The following MROH1 variants were observed in gnomAD, a reference collection of about 807,000 sequenced individuals.
MROH1 encodes maestro heat like repeat family member 1.
MROH1 carries 117 observed loss-of-function variants against 116.5 expected under a neutral mutation model. The observed-to-expected ratio is 1.00, with a 90% CI of 0.86 to 1.17. The LOEUF is 1.17. MROH1 is among the 50% of genes most tolerant of loss of function. MROH1 has a pLI of 0.00. For synonymous variants in MROH1, 921 were observed against 583.9 expected (o/e 1.58, Z -8.32); for missense variants, 1,873 against 1,338.5 (o/e 1.40, Z -6.23).
In MROH1 at chr8:144,247,594, T is replaced by C; in HGVS notation, c.3035T>C (p.Val1012Ala). ...TTCTCCCGGGACTACCGCGATGACG[T>C]GGCGGAGCGGCTCCTCAGCCTCAAG... The part of the protein sequence containing the change: ...EGFSRDYRDD[V>A]AERLLSLKDG... The change falls in exon 31 of 44, where the codon GTG becomes GCG. Residue 1012 changes from valine to alanine, a missense_variant. Coordinates refer to ENST00000326134, the MANE Select transcript of MROH1 (RefSeq NM_032450.3). The C allele has an allele frequency of 1.3e-6, 1 of 773,654 alleles. No individual in the cohort carries two copies. The allele number at this position is 773,654 out of a possible 1,614,324, so 47.9% of individuals were successfully genotyped here.
intron 1 of MROH1, among the ~76,000 whole-genome samples, chr8:144,153,400 T>G (rs991078045): frequency 6.6e-6 from 1 of 152,104 alleles, no homozygotes; most frequent in Non-Finnish European, 1.5e-5. Flanking sequence ...TTTCACCATG[T>G]TGGCCAGTCT....
chr8:144,255,560 G>A lies in MROH1; in HGVS notation c.3646G>A (p.Val1216Met), dbSNP rs893907284. 4.7e-5 allele frequency: 37 copies of A among 779,226 alleles called. No individual in the cohort carries two copies. The Middle Eastern group carries it at 1.3e-3, about 27-fold the overall frequency. 48.3% of individuals were successfully genotyped at this position (779,226 alleles called of 1,614,324 possible). A position where few individuals can be genotyped will look rare whatever the true frequency, so the allele number is the denominator to read the frequency against. ...VMSTPAAGPA[V>M]LELYPQLFVV... is the part of the protein sequence containing the mutation. ...GTCCACGCCTGCAGCGGGGCCCGCG[G>A]TGCTCGAGCTCTACCCCCAGCTGTT... The change falls in exon 35 of 44, where the codon GTG becomes ATG. Residue 1216 changes from valine to methionine, a missense_variant. Transcript: ENST00000326134.
chr8:144,189,919 A>T (rs1387999958), intron 7 of MROH1, among the ~76,000 whole-genome samples: 1 of 152,214 alleles, frequency 6.6e-6, no homozygotes, highest in Non-Finnish European at 1.5e-5. Context: ...TTCTTTGGTG[A>T]CAAGCACCAA....
chr8:144,244,165 G>T (rs1209318486), intron 26 of MROH1, 57 bp from the exon 27 acceptor site: 2 of 711,466 alleles, frequency 2.8e-6, no homozygotes, highest in Admixed American at 2.0e-5. Flanking sequence ...GGAGGTTACT[G>T]GGTGTCTGAG....
intron 26 of MROH1, 101 bp downstream of exon 26, chr8:144,244,043 T>C (rs1841460464): frequency 1.4e-6 from 1 of 721,448 alleles, no homozygotes; most frequent in Admixed American, 2.0e-5. Flanking sequence ...TGTGCGTGTG[T>C]GTGCCTGTGC....
At chr8:144,159,647 T>C (rs2130782227) in intron 1 of MROH1, among the ~76,000 whole-genome samples, 1 of 152,330 alleles carries the variant, frequency 6.6e-6, no homozygotes, top group East Asian at 1.9e-4. Context: ...GAAATAGTTT[T>C]AATAACTAAT....
intron 1 of MROH1, among the ~76,000 whole-genome samples, chr8:144,149,775 C>T (rs1816287740): frequency 6.6e-6 from 1 of 151,924 alleles, no homozygotes; most frequent in African/African-American, 2.4e-5. Context: ...GTGCTTTCTT[C>T]ACTGAGCTTG....
intron 1 of MROH1, 24 bp downstream of exon 1, chr8:144,148,100 C>G (rs1250668800): frequency 6.6e-6 from 1 of 152,302 alleles, no homozygotes; most frequent in Non-Finnish European, 1.5e-5. Context: ...GGGGATGAGC[C>G]TTCGGCGGCG....
intron 14 of MROH1, among the ~76,000 whole-genome samples, chr8:144,225,918 T>TTG (rs1303003135): frequency 1.5e-4 from 22 of 143,724 alleles, no homozygotes; most frequent in African/African-American, 5.7e-4. Context: ...TAGTTTTTTT[T>TTG]TTTTTTTTTT....
intron 14 of MROH1, among the ~76,000 whole-genome samples, chr8:144,225,886 A>G (rs894659089): frequency 1.4e-5 from 2 of 142,872 alleles, no homozygotes; most frequent in African/African-American, 2.6e-5. Context: ...TAGGATTCAC[A>G]TATAGGCCTA....
chr8:144,202,359 A>G (rs1490792885), intron 12 of MROH1, among the ~76,000 whole-genome samples: 223 of 85,772 alleles, frequency 2.6e-3, no homozygotes, highest in Middle Eastern at 7.8e-3. Flanking sequence ...CCCTCTGTGG[A>G]GGGGAAAGGA....
In MROH1 at chr8:144,180,467, T is replaced by C. The variant is rs1825313100; in HGVS notation, c.506T>C (p.Leu169Pro). The C allele has an allele frequency of 2.5e-6, 4 of 1,612,748 alleles. No individual in the cohort carries two copies. The highest frequency in any genetic ancestry group is 3.4e-6 in the Non-Finnish European group (4 of 1,179,814). The change falls in exon 7 of 44, where the codon CTG becomes CCG. Residue 169 changes from leucine to proline, a missense_variant. Coordinates refer to ENST00000326134, the MANE Select transcript of MROH1 (RefSeq NM_032450.3). This position sits in a 1 kb window ranked among gnomAD's most constrained non-coding sequence, Gnocchi z 7.4. ...VPFLPSVLSSLLPVLGVAKQD... is the reference protein window; with the variant it reads ...VPFLPSVLSSPLPVLGVAKQD... Reference sequence around the variant, plus strand: ...TTCCTGCCATCCGTCCTGAGCTCCCTGCTGCCCGTGCTGGGCGTGGCCAAG... The same window carrying C: ...TTCCTGCCATCCGTCCTGAGCTCCCCGCTGCCCGTGCTGGGCGTGGCCAAG...
chr8:144,174,794 T>C, intron 4 of MROH1: 1 of 982,162 alleles, frequency 1.0e-6, no homozygotes. Flanking sequence ...TATCCATTTT[T>C]TGTAAAATGT....
intron 32 of MROH1, among the ~76,000 whole-genome samples, chr8:144,249,304 G>A (rs1475129132): frequency 6.6e-6 from 1 of 151,626 alleles, no homozygotes; most frequent in Non-Finnish European, 1.5e-5. Context: ...CAAGTGCTGA[G>A]AGAATAAGGG....
intron 37 of MROH1, 116 bp downstream of exon 37, chr8:144,259,470 G>A (rs1844557282): frequency 2.9e-6 from 2 of 695,740 alleles, no homozygotes; most frequent in South Asian, 1.5e-5. Context: ...CTGTGAGGGA[G>A]GTTATGTGGA....
intron 12 of MROH1, among the ~76,000 whole-genome samples, chr8:144,218,371 A>C (rs1835739928): frequency 6.6e-6 from 1 of 151,810 alleles, no homozygotes; most frequent in East Asian, 1.9e-4. Flanking sequence ...TACTCCCATG[A>C]GGTTTTGCAC....
intron 5 of MROH1, 74 bp downstream of exon 5, chr8:144,179,660 C>G: frequency 6.5e-7 from 1 of 1,535,416 alleles, no homozygotes; most frequent in Non-Finnish European, 8.8e-7. Context: ...GGCCTTTCTA[C>G]CCAGCAGCCT....
chr8:144,199,512 T>C lies in MROH1; in HGVS notation c.1027+312T>C, dbSNP rs1418122940. On this transcript the variant is annotated intron_variant, in intron 11 of 43. Coordinates refer to ENST00000326134, the MANE Select transcript of MROH1 (RefSeq NM_032450.3). ...CGCCTACCTGTTTCTCCACACCCAA[T>C]CTCTGGCTCCATGGCCTGCTCTCTG... Among the ~76,000 whole-genome samples the C allele has an allele frequency of 7.9e-5, 12 of 152,116 alleles. No individual in the cohort carries two copies. In the East Asian group the frequency reaches 1.9e-3, roughly 25 times the overall value.
In MROH1 at chr8:144,151,247, CAAAAAAAAAAAA is replaced by C. The variant is rs1160118892; in HGVS notation, c.-177+3187_-177+3198del. ...TGGGTGACAGAGCAATATTCTGTCTCAAAAAAAAAAAAAAAAAAAAAAAAAAACCTCCAAGAT... is the reference window on the plus strand; with the variant it reads ...TGGGTGACAGAGCAATATTCTGTCTCAAAAAAAAAAAAAAACCTCCAAGAT... On this transcript the variant is annotated intron_variant, in intron 1 of 43. Transcript: ENST00000326134. Among the ~76,000 whole-genome samples the C allele has an allele frequency of 1.6e-3, 36 of 22,962 alleles. 1 individual carries two copies. Among genetic ancestry groups the C allele is most frequent in the Non-Finnish European group, 3.2e-3 (33 of 10,352 alleles). The allele number at this position is 22,962 out of a possible 152,430, so 15.1% of individuals were successfully genotyped here. A position where few individuals can be genotyped will look rare whatever the true frequency, so the allele number is the denominator to read the frequency against.
Sources: gnomAD v4.1 joint callset for allele counts (sites outside exome capture counted in the v4.1 genomes callset) on GRCh38, gnomAD v4.1.1 for gene constraint, Gnocchi (gnomAD v3.1) non-coding constraint, MANE v1.5 for transcripts, NCBI Gene and HGNC (gene_info 2026-07-23, HGNC 2026-07-21) for gene names.